Variants in LSP1 observed in about 807,000 individuals in gnomAD.
LSP1 encodes the protein lymphocyte specific protein 1, also known as lymphocyte-specific protein 1.
A neutral mutation model predicts 49.3 loss-of-function variants in LSP1; 32 were observed. That is an observed-to-expected ratio of 0.65 (90% CI 0.49 to 0.87). The LOEUF (loss-of-function observed/expected upper bound fraction) is 0.87. Among genes scored for constraint, LSP1 ranks in the 40% least tolerant of loss-of-function variants. LSP1 has a pLI of 0.00. For synonymous variants in LSP1, 179 were observed against 178.8 expected (o/e 1.00, Z -0.01); for missense variants, 428 against 442.6 (o/e 0.97, Z 0.30).
chr11:1,871,490 G>A (rs1411171849), intron 1 of LSP1: 3 of 985,544 alleles, frequency 3.0e-6, no homozygotes, highest in Admixed American at 6.1e-5. Flanking sequence ...CTCTGAGGAC[G>A]GTCCCTGACC....
chr11:1,867,823 G>A (rs111721309), intron 1 of LSP1, among the ~76,000 whole-genome samples: 57 of 50,534 alleles, frequency 1.1e-3, no homozygotes, highest in East Asian at 5.2e-3. Context: ...CCCCTGCCCC[G>A]TCGCCCCCCA....
At position 1,886,811 on chromosome 11, in the gene LSP1, G is replaced by A. The variant is rs1453014034; in HGVS notation, c.797G>A (p.Arg266Gln). The A allele has an allele frequency of 2.5e-6, 4 of 1,611,858 alleles. No individual in the cohort carries two copies. The highest frequency in any genetic ancestry group is 1.7e-5 in the Admixed American group (1 of 60,014). The change falls in exon 8 of 11, where the codon CGG (arginine) becomes CAG (glutamine). Residue 266 changes from arginine to glutamine, a missense_variant. By Grantham distance (43) the Arg-to-Gln change is conservative. Transcript: ENST00000311604. The part of the protein sequence containing the change: ...PSMAVASTKS[R>Q]WETGEVQAQS... ...ATGGCTGTGGCCAGTACCAAGAGTCGGTGGGAGACGGGTGAGGTACAGGCT... is the reference window on the plus strand; with the variant it reads ...ATGGCTGTGGCCAGTACCAAGAGTCAGTGGGAGACGGGTGAGGTACAGGCT...
At chr11:1,864,339 C>T (rs561153300) in intron 1 of LSP1, 84 of 770,876 alleles carry the variant, frequency 1.1e-4, no homozygotes, top group Middle Eastern at 6.6e-4. Flanking sequence ...TGAGGCACTC[C>T]GAGGTGGGAG....
chr11:1,866,422 G>T, intron 1 of LSP1: 2 of 1,437,244 alleles, frequency 1.4e-6, no homozygotes, highest in Admixed American at 5.6e-5. Flanking sequence ...GGGCAGCCCG[G>T]CTCACCCCTC....
intron 1 of LSP1, among the ~76,000 whole-genome samples, chr11:1,855,107 C>T (rs1188062916): frequency 2.0e-5 from 3 of 152,178 alleles, no homozygotes; most frequent in African/African-American, 7.2e-5. Flanking sequence ...CCTTGGACAT[C>T]CCCTGCCCCC....
At chr11:1,863,385 G>A (rs557910137) in intron 1 of LSP1, 1 of 152,442 alleles carries the variant, frequency 6.6e-6, no homozygotes, top group East Asian at 1.9e-4. Context: ...GGCATGGGCA[G>A]ATGAGTGCCC....
chr11:1,878,884 C>T (rs1048450424), intron 1 of LSP1, among the ~76,000 whole-genome samples: 2 of 152,096 alleles, frequency 1.3e-5, no homozygotes, highest in African/African-American at 4.8e-5. Context: ...GCGGTGTCTG[C>T]AGGACCTGGA....
chr11:1,875,172 G>A (rs893828302), intron 1 of LSP1, among the ~76,000 whole-genome samples: 4 of 152,252 alleles, frequency 2.6e-5, no homozygotes, highest in Non-Finnish European at 4.4e-5. Context: ...CTGGGCTGGT[G>A]CCGTGGAGGG....
chr11:1,877,718 A>G (rs768633376), intron 1 of LSP1, among the ~76,000 whole-genome samples: 61 of 152,232 alleles, frequency 4.0e-4, no homozygotes, highest in Non-Finnish European at 2.8e-4. Context: ...GAGCACGTGC[A>G]TACTTGTATG....
chr11:1,877,100 G>C (rs1848343052), intron 1 of LSP1, among the ~76,000 whole-genome samples: 2 of 152,226 alleles, frequency 1.3e-5, no homozygotes, highest in African/African-American at 4.8e-5. Context: ...GGCCATCCCA[G>C]AGTCCTGACA....
intron 1 of LSP1, chr11:1,871,235 A>AGGCAGAGCCGCAGCCACGCCGCC (rs1847991121): frequency 1.0e-6 from 1 of 986,500 alleles, no homozygotes; most frequent in East Asian, 1.1e-4. Flanking sequence ...GGCACGGGGC[A>AGGCAGAGCCGCAGCCACGCCGCC]GGCAGAGCCG....
rs1384873943 is a variant in LSP1 at position 1,874,138 on chromosome 11, C to T, written c.54-5949C>T. Among the ~76,000 whole-genome samples, 34 of 86,576 alleles carry T rather than the reference C, an allele frequency of 3.9e-4. 7 individuals carry two copies. The highest frequency in any genetic ancestry group is 5.5e-4 in the Non-Finnish European group (24 of 43,624). The allele number at this position is 86,576 out of a possible 152,430, so 56.8% of individuals were successfully genotyped here. A position where few individuals can be genotyped will look rare whatever the true frequency, so the allele number is the denominator to read the frequency against. On this transcript the variant is annotated intron_variant, in intron 1 of 10. Transcript: ENST00000311604. ...GAGGCTGGGGACAGTGGGGGCAGGCCGGGGACAGTGGGGGCAGGCCGGGGA... is the reference window on the plus strand; with the variant it reads ...GAGGCTGGGGACAGTGGGGGCAGGCTGGGGACAGTGGGGGCAGGCCGGGGA...
chr11:1,880,537 C>T (rs1848496904), intron 2 of LSP1: 2 of 282,692 alleles, frequency 7.1e-6, no homozygotes, highest in African/African-American at 2.2e-5. Context: ...CACCAGACTC[C>T]CCCGCCAGTG....
In LSP1 at chr11:1,881,546, C is replaced by T. The variant is rs1361106256; in HGVS notation, c.306C>T (p.Asp102=). ...ACGAGGGGGCGCAGGGCGCCTTGGA[C>T]AGCGGAGAGCCCCCCCAGTGCAGGA... ...QQHEGAQGAL[D]SGEPPQCRSP... Residue 102 remains aspartate, a synonymous_variant, in exon 3 of 11, where the codon GAC becomes GAT. Coordinates refer to ENST00000311604, the MANE Select transcript of LSP1 (RefSeq NM_002339.3). The T allele has an allele frequency of 6.5e-6, 10 of 1,544,720 alleles. No individual in the cohort carries two copies. The highest frequency in any genetic ancestry group is 7.9e-6 in the Non-Finnish European group (9 of 1,143,970).
intron 10 of LSP1, chr11:1,890,261 C>T (rs749896401): frequency 8.4e-6 from 6 of 714,606 alleles, no homozygotes; most frequent in Admixed American, 6.0e-5. Flanking sequence ...GTAGGGCAGC[C>T]ACCATGCGGG....
intron 1 of LSP1, among the ~76,000 whole-genome samples, chr11:1,859,286 C>G (rs556130251): frequency 3.3e-4 from 50 of 152,248 alleles, no homozygotes; most frequent in Non-Finnish European, 6.3e-4. Context: ...AGCCCAGTAC[C>G]CTTCCCAGAG....
Position 1,853,130 on chromosome 11 carries a change from C to T in LSP1, c.-15C>T, listed in dbSNP as rs749540897. ...GGGATCTGCCAGCACCCTGTGGGGCCCAGACTACAGGCTGATGGCGGAGGC... is the reference window on the plus strand; with the variant it reads ...GGGATCTGCCAGCACCCTGTGGGGCTCAGACTACAGGCTGATGGCGGAGGC... On this transcript the variant is annotated 5_prime_UTR_variant, in exon 1 of 11. Transcript: ENST00000311604. 6 of 1,607,642 alleles carry T rather than the reference C, an allele frequency of 3.7e-6. No individual in the cohort carries two copies. Among genetic ancestry groups the T allele is most frequent in the South Asian group, 1.1e-5 (1 of 89,724 alleles).
intron 7 of LSP1, among the ~76,000 whole-genome samples, chr11:1,885,515 C>T (rs1459571695): frequency 6.6e-6 from 1 of 151,112 alleles, no homozygotes; most frequent in Non-Finnish European, 1.5e-5. Flanking sequence ...TAATGCCTTG[C>T]ACCCAATCAA....
intron 2 of LSP1, 119 bp downstream of exon 2, chr11:1,880,343 G>A: frequency 8.0e-7 from 1 of 1,255,070 alleles, no homozygotes; most frequent in Non-Finnish European, 1.0e-6. Context: ...TGAGAGCGAG[G>A]AAGGGCCCCC....
Sources: gnomAD v4.1 joint callset for allele counts (sites outside exome capture counted in the v4.1 genomes callset) on GRCh38, gnomAD v4.1.1 for gene constraint, MANE v1.5 for transcripts, NCBI Gene and HGNC (gene_info 2026-07-23, HGNC 2026-07-21) for gene names.